BST1: variants seen among roughly 807,000 people sequenced by gnomAD.
BST1 encodes bone marrow stromal cell antigen 1, also known as ADP-ribosyl cyclase/cyclic ADP-ribose hydrolase 2.
A neutral mutation model predicts 40.6 loss-of-function variants in BST1; 49 were observed. The ratio of observed to expected loss-of-function variants is 1.21; its 90% CI spans 0.96 to 1.53. The LOEUF is 1.53. Among genes scored for constraint, BST1 ranks in the 40% most tolerant of loss-of-function variants. The pLI is 0.00. For synonymous variants in BST1, 157 were observed against 159.3 expected, an observed-to-expected ratio of 0.99 and a Z score of 0.11; for missense variants, 423 against 395.9, an observed-to-expected ratio of 1.07 and a Z score of -0.58.
the BST1 span, among the ~76,000 whole-genome samples, chr4:15,747,356 G>A: frequency 6.6e-6 from 1 of 151,844 alleles, no homozygotes; most frequent in Non-Finnish European, 1.5e-5. Flanking sequence ...TAGTAGTCAT[G>A]GCTGCCTTGC....
chr4:15,728,832 G>A (rs1205914970), intron 8 of BST1, among the ~76,000 whole-genome samples: 12 of 152,002 alleles, frequency 7.9e-5, no homozygotes, highest in Admixed American at 7.2e-4. Context: ...TTTTAGTGGA[G>A]ATGAAGTTTT....
At chr4:15,719,297 A>G (rs1278109798) in intron 7 of BST1, among the ~76,000 whole-genome samples, 2 of 152,036 alleles carry the variant, frequency 1.3e-5, no homozygotes, top group African/African-American at 4.8e-5. Flanking sequence ...GCTGGAGTAC[A>G]GGGACTGAGG....
chr4:15,743,487 T>G, the BST1 span: 1 of 256,304 alleles, frequency 3.9e-6, no homozygotes, highest in Non-Finnish European at 7.8e-6. Context: ...GAAAAAAAAA[T>G]TAAAGAACTA....
At chr4:15,731,635 C>A in intron 8 of BST1, 105 bp from the exon 9 acceptor site, 1 of 1,430,316 alleles carries the variant, frequency 7.0e-7, no homozygotes, top group South Asian at 1.2e-5. Flanking sequence ...CATGGCTTCT[C>A]GCTCCGCGCT....
chr4:15,725,881 TG>T (rs1295835172), intron 8 of BST1, among the ~76,000 whole-genome samples: 2 of 151,868 alleles, frequency 1.3e-5, no homozygotes, highest in Non-Finnish European at 2.9e-5. Flanking sequence ...AAAACCCTCA[TG>T]TGACTGCATT....
intron 6 of BST1, among the ~76,000 whole-genome samples, chr4:15,716,932 C>T (rs544825497): frequency 8.0e-4 from 121 of 152,180 alleles, no homozygotes; most frequent in African/African-American, 2.4e-3. Context: ...TCCGTTACCA[C>T]GCCCAGCTGA....
chr4:15,714,786 C>T (rs950843014), intron 4 of BST1, among the ~76,000 whole-genome samples: 1 of 152,096 alleles, frequency 6.6e-6, no homozygotes, highest in Non-Finnish European at 1.5e-5. Flanking sequence ...CAGTTGCGAG[C>T]GGGAGTGTGA....
chr4:15,767,233 G>T, the BST1 span, among the ~76,000 whole-genome samples: 1 of 152,158 alleles, frequency 6.6e-6, no homozygotes. Flanking sequence ...TGCTGGGGGT[G>T]CCGAGGGAAA....
intron 8 of BST1, among the ~76,000 whole-genome samples, chr4:15,726,299 A>G (rs1376759255): frequency 1.3e-5 from 2 of 152,060 alleles, no homozygotes; most frequent in Admixed American, 6.6e-5. Context: ...CCTAAAACAG[A>G]ACTTGCAACT....
chr4:15,713,233 G>A (rs112894716), intron 4 of BST1, among the ~76,000 whole-genome samples: 12,870 of 126,706 alleles, frequency 0.1, 745 homozygotes, highest in Admixed American at 0.15. Flanking sequence ...TTTTTGAGAC[G>A]GAGTCTCGCT....
At chr4:15,723,054 C>G in intron 8 of BST1, 120 bp downstream of exon 8, 2 of 883,770 alleles carry the variant, frequency 2.3e-6, no homozygotes, top group Admixed American at 4.5e-5. Flanking sequence ...TCATTGGATT[C>G]TGGTTTGGCC....
At chr4:15,726,031 G>A (rs759041413) in intron 8 of BST1, among the ~76,000 whole-genome samples, 1 of 128,050 alleles carries the variant, frequency 7.8e-6, no homozygotes, top group Non-Finnish European at 1.6e-5. Flanking sequence ...GCACAATCAC[G>A]GCTCACTGCA....
At chr4:15,758,420 A>G in the BST1 span, among the ~76,000 whole-genome samples, 1 of 152,196 alleles carries the variant, frequency 6.6e-6, no homozygotes, top group Admixed American at 6.5e-5. Context: ...TCCTGCATCA[A>G]TACACTTAGG....
chr4:15,729,206 C>T (rs1721263986), intron 8 of BST1, among the ~76,000 whole-genome samples: 1 of 152,146 alleles, frequency 6.6e-6, no homozygotes, highest in African/African-American at 2.4e-5. Context: ...AACCGTAGCA[C>T]TTTGGGAGTT....
the BST1 span, among the ~76,000 whole-genome samples, chr4:15,771,034 T>G: frequency 2.0e-5 from 3 of 152,254 alleles, no homozygotes; most frequent in African/African-American, 7.2e-5. Context: ...TTTATTTCTG[T>G]GCCCTCAATA....
Position 15,715,427 on chromosome 4 carries a change from A to G in BST1, c.611+66A>G, listed in dbSNP as rs1577577863. 3 of 1,517,938 alleles carry G rather than the reference A, an allele frequency of 2.0e-6. No homozygotes were observed. In the East Asian group the frequency reaches 7.0e-5, roughly 35 times the overall value. 94.0% of individuals were successfully genotyped at this position (1,517,938 alleles called of 1,614,324 possible). On this transcript the variant is annotated intron_variant, in intron 5 of 8. Coordinates refer to ENST00000265016, the MANE Select transcript of BST1 (RefSeq NM_004334.3). Reference sequence around the variant, plus strand: ...AAATATTTATTTAATTGTTTTAAATAGAGGCTAAAGAAAATTATCCTAGTC... The same window carrying G: ...AAATATTTATTTAATTGTTTTAAATGGAGGCTAAAGAAAATTATCCTAGTC...
downstream of BST1, among the ~76,000 whole-genome samples, chr4:15,734,562 A>G (rs568720119): frequency 6.6e-6 from 1 of 152,184 alleles, no homozygotes; most frequent in South Asian, 2.1e-4. Flanking sequence ...AGGAAATGTA[A>G]CTATATGTGA....
chr4:15,734,478 T>C (rs1721490799), downstream of BST1, among the ~76,000 whole-genome samples: 1 of 151,994 alleles, frequency 6.6e-6, no homozygotes, highest in South Asian at 2.1e-4. Flanking sequence ...TAAAATATAA[T>C]ATATATACGG....
chr4:15,728,977 T>C (rs1560287913), intron 8 of BST1, among the ~76,000 whole-genome samples: 1 of 152,102 alleles, frequency 6.6e-6, no homozygotes, highest in South Asian at 2.1e-4. Context: ...GGATTTTTAG[T>C]AGGAAGTTAT....
Sources: allele counts gnomAD v4.1 joint callset (sites outside exome capture counted in the v4.1 genomes callset), GRCh38; gene constraint gnomAD v4.1.1; transcripts MANE v1.5; gene names NCBI Gene and HGNC (gene_info 2026-07-23, HGNC 2026-07-21).